SHANK2: variants seen among roughly 807,000 people sequenced by gnomAD.
SHANK2 encodes SH3 and multiple ankyrin repeat domains protein 2.
SHANK2 carries 43 observed loss-of-function variants against 133.7 expected under a neutral mutation model. The ratio of observed to expected loss-of-function variants is 0.32; its 90% CI spans 0.25 to 0.41. The LOEUF is 0.41. Among genes scored for constraint, SHANK2 ranks in the 10% least tolerant of loss-of-function variants. The probability of loss-of-function intolerance (pLI) is 1.00; values close to 1 mark genes in which losing one functional copy is unlikely to be tolerated. For missense variants in SHANK2, 1,994 were observed against 2,235.8 expected (o/e 0.89, Z 2.18); for synonymous variants, 1,017 against 952.8 (o/e 1.07, Z -1.24).
intron 2 of SHANK2, among the ~76,000 whole-genome samples, chr11:71,150,693 G>A (rs1786234453): frequency 6.6e-6 from 1 of 152,034 alleles, no homozygotes; most frequent in East Asian, 1.9e-4. Context: ...CCATGCCATG[G>A]TCCACAGTTT....
At chr11:70,850,179 C>T (rs961684074) in intron 11 of SHANK2, among the ~76,000 whole-genome samples, 5 of 151,326 alleles carry the variant, frequency 3.3e-5, no homozygotes, top group African/African-American at 1.2e-4. Context: ...TCACAACCTC[C>T]TACGGTTCTC....
intron 11 of SHANK2, among the ~76,000 whole-genome samples, chr11:70,871,873 G>A (rs1250235119): frequency 1.3e-5 from 2 of 152,126 alleles, no homozygotes; most frequent in African/African-American, 2.4e-5. Flanking sequence ...AAGGCAAGAC[G>A]CATCCCATCC....
chr11:71,215,925 C>T (rs1438257084), intron 2 of SHANK2, among the ~76,000 whole-genome samples: 5 of 152,124 alleles, frequency 3.3e-5, no homozygotes, highest in African/African-American at 9.7e-5. Context: ...AATGAGACAG[C>T]GCCTCCCCCA....
chr11:70,503,940 C>G (rs541911822), intron 17 of SHANK2, among the ~76,000 whole-genome samples: 1 of 152,192 alleles, frequency 6.6e-6, no homozygotes, highest in Non-Finnish European at 1.5e-5. Context: ...GAAAAGGCCC[C>G]GGCCTCACCC....
chr11:70,763,194 G>A (rs554528491), intron 14 of SHANK2, among the ~76,000 whole-genome samples: 1 of 152,296 alleles, frequency 6.6e-6, no homozygotes, highest in African/African-American at 2.4e-5. Context: ...CTTGGAGGGT[G>A]GGTCTAAGTT....
Position 70,714,906 on chromosome 11 carries a change from A to G in SHANK2, c.1778-16143T>C, listed in dbSNP as rs1417213516. Among the ~76,000 whole-genome samples, 6 of 152,126 alleles carry G rather than the reference A, an allele frequency of 3.9e-5. No homozygotes were observed. In the East Asian group the frequency reaches 5.8e-4, roughly 15 times the overall value. On this transcript the variant is annotated intron_variant, in intron 14 of 25. Transcript: ENST00000601538. ...CTGCAGCCTTGAACTTCTGGGCTCAAGCAATCCTCCTGCCTCAGCCTCCCG... is the reference window on the plus strand; with the variant it reads ...CTGCAGCCTTGAACTTCTGGGCTCAGGCAATCCTCCTGCCTCAGCCTCCCG...
intron 14 of SHANK2, among the ~76,000 whole-genome samples, chr11:70,769,828 G>GGTGT (rs59744438): frequency 0.93 from 141,468 of 152,030 alleles, 65,954 homozygotes; most frequent in South Asian, 0.96. Flanking sequence ...CACGTGTGTA[G>GGTGT]GTGTGTGTGT....
chr11:71,102,740 C>T (rs896558299), intron 6 of SHANK2, among the ~76,000 whole-genome samples: 2 of 152,210 alleles, frequency 1.3e-5, no homozygotes, highest in Non-Finnish European at 2.9e-5. Flanking sequence ...CCTGTTCGTC[C>T]CACTGCCTTT....
At chr11:71,149,529 G>C (rs181558680) in intron 2 of SHANK2, among the ~76,000 whole-genome samples, 1 of 149,794 alleles carries the variant, frequency 6.7e-6, no homozygotes, top group African/African-American at 2.5e-5. Context: ...CTTCACTGAC[G>C]GGTGCTCTAT....
At chr11:70,715,009 T>C (rs1157927228) in intron 14 of SHANK2, among the ~76,000 whole-genome samples, 1 of 151,758 alleles carries the variant, frequency 6.6e-6, no homozygotes, top group Non-Finnish European at 1.5e-5. Context: ...AGGTCTATGT[T>C]GCCCAGGCTG....
intron 17 of SHANK2, among the ~76,000 whole-genome samples, chr11:70,505,045 G>A (rs2059117440): frequency 6.6e-6 from 1 of 152,182 alleles, no homozygotes; most frequent in African/African-American, 2.4e-5. Flanking sequence ...TCATCAGGGA[G>A]TTTTGGCCGA....
intron 17 of SHANK2, among the ~76,000 whole-genome samples, chr11:70,520,389 T>C (rs902693741): frequency 2.6e-5 from 4 of 152,202 alleles, no homozygotes; most frequent in African/African-American, 9.7e-5. Context: ...CAGTTTTGGC[T>C]GCTGGTCAGG....
In SHANK2 at chr11:70,538,822, G is replaced by T. The variant is rs537289470; in HGVS notation, c.2062-35891C>A. ...GGTGGGGCGGGAGGCACGCACAGAC[G>T]GTGGGGAGGGCTGAGTGTTGGGGGC... On this transcript the variant is annotated intron_variant, in intron 17 of 25. Coordinates refer to ENST00000601538, the MANE Select transcript of SHANK2 (RefSeq NM_012309.5). Among the ~76,000 whole-genome samples the T allele has an allele frequency of 1.4e-4, 21 of 152,300 alleles. No homozygotes were observed. In the Middle Eastern group the frequency reaches 0.01, roughly 74 times the overall value.
chr11:70,763,153 C>T (rs1947030272), intron 14 of SHANK2, among the ~76,000 whole-genome samples: 1 of 152,234 alleles, frequency 6.6e-6, no homozygotes, highest in African/African-American at 2.4e-5. Context: ...TTAGTTTCCT[C>T]ATGTGGAGGA....
intron 2 of SHANK2, among the ~76,000 whole-genome samples, chr11:71,221,331 A>C (rs1056707558): frequency 6.6e-6 from 1 of 152,216 alleles, no homozygotes; most frequent in Admixed American, 6.5e-5. Context: ...CTCACACCAC[A>C]GTCTGCCAGC....
At chr11:70,809,873 A>T (rs937297693) in intron 12 of SHANK2, among the ~76,000 whole-genome samples, 1 of 152,108 alleles carries the variant, frequency 6.6e-6, no homozygotes, top group Non-Finnish European at 1.5e-5. Flanking sequence ...GTCCCTAGGG[A>T]TGCCATTCCT....
At chr11:70,592,132 T>A (rs1554988185) in intron 17 of SHANK2, among the ~76,000 whole-genome samples, 1 of 152,158 alleles carries the variant, frequency 6.6e-6, no homozygotes, top group African/African-American at 2.4e-5. Flanking sequence ...CCAGTCCCTG[T>A]CAAGCCTCTA....
At chr11:70,781,088 T>A in intron 14 of SHANK2, among the ~76,000 whole-genome samples, 1 of 151,754 alleles carries the variant, frequency 6.6e-6, no homozygotes, top group Admixed American at 6.6e-5. Flanking sequence ...GAGTGAGGGG[T>A]TCCATTCGTC....
intron 10 of SHANK2, among the ~76,000 whole-genome samples, chr11:70,909,626 G>T (rs1478755742): frequency 6.6e-6 from 1 of 152,160 alleles, no homozygotes; most frequent in Non-Finnish European, 1.5e-5. Flanking sequence ...CATAAAGGAA[G>T]GCCCTGTCCA....
Sources: allele counts gnomAD v4.1 joint callset (sites outside exome capture counted in the v4.1 genomes callset), GRCh38; gene constraint gnomAD v4.1.1; transcripts MANE v1.5; gene names NCBI Gene and HGNC (gene_info 2026-07-23, HGNC 2026-07-21).